Variants in GTPBP4 observed in about 807,000 individuals in gnomAD.
GTPBP4 encodes the protein GTP binding protein 4, also known as GTP-binding protein 4.
Under a neutral mutation model 81.7 loss-of-function variants are expected in GTPBP4, and 15 were observed. The observed-to-expected ratio is 0.18, with a 90% confidence interval of 0.12 to 0.28. The LOEUF (loss-of-function observed/expected upper bound fraction) is 0.28, where lower values mean the gene tolerates loss of function less well. GTPBP4 is among the 10% of genes least tolerant of loss of function. GTPBP4 has a pLI of 1.00. For synonymous variants in GTPBP4, 272 were observed against 274.6 expected, an observed-to-expected ratio of 0.99 and a Z score of 0.09; for missense variants, 847 against 793.8, an observed-to-expected ratio of 1.07 and a Z score of -0.81.
intron 7 of GTPBP4, 28 bp from the exon 8 acceptor site, chr10:1,000,920 G>C: frequency 6.2e-7 from 1 of 1,609,840 alleles, no homozygotes; most frequent in Non-Finnish European, 8.5e-7. Flanking sequence ...CGAGAATAAT[G>C]ATTTCATTAT....
chr10:997,050 T>C, intron 4 of GTPBP4, 158 bp from the exon 5 acceptor site: 1 of 645,148 alleles, frequency 1.6e-6, no homozygotes, highest in South Asian at 1.8e-5. Context: ...GTGTATACTA[T>C]TACTTTCTGC....
In GTPBP4 at chr10:992,567, A is replaced by G. The variant is rs1831464410; in HGVS notation, c.127A>G (p.Ile43Val). Reference sequence around the variant, plus strand: ...TCATAAACATTACCAAATACATCGCATTAGACATTTTTACATGAGAAAAGT... The same window carrying G: ...TCATAAACATTACCAAATACATCGCGTTAGACATTTTTACATGAGAAAAGT... ...VIHKHYQIHR[I>V]RHFYMRKVKF... Residue 43 changes from isoleucine to valine, a missense_variant, in exon 2 of 17, where the codon ATT (isoleucine) becomes GTT (valine). Physicochemically the swap from Ile to Val is conservative, Grantham distance 29. Around this residue, in one of 3 missense-constraint regions of GTPBP4, gnomAD observed 241 missense variants for 216.3 expected, o/e 1.11. Coordinates refer to ENST00000360803, the MANE Select transcript of GTPBP4 (RefSeq NM_012341.3). The G allele has an allele frequency of 6.3e-7, 1 of 1,598,374 alleles. No homozygotes were observed. The highest frequency in any genetic ancestry group is 1.3e-5 in the African/African-American group (1 of 74,592).
chr10:1,006,940 G>C, intron 9 of GTPBP4, 78 bp from the exon 10 acceptor site: 1 of 873,312 alleles, frequency 1.1e-6, no homozygotes, highest in Non-Finnish European at 1.9e-6. Flanking sequence ...GCTCTGATCT[G>C]TGGCTCCTCC....
intron 6 of GTPBP4, among the ~76,000 whole-genome samples, chr10:1,000,459 G>C (rs1265624711): frequency 6.6e-6 from 1 of 151,370 alleles, no homozygotes; most frequent in Admixed American, 6.6e-5. Context: ...GGATGGTCTC[G>C]ATCTCCTGAC....
In GTPBP4 at chr10:1,009,048, A is replaced by C. The variant is rs1831803021; in HGVS notation, c.1191+13A>C. On this transcript the variant is annotated intron_variant, in intron 11 of 16. Transcript: ENST00000360803. ...CAGGAAGAAGAGGGTATGCTGCCGA[A>C]GCTCTCGCCCAGTGTTCTCATGGGG... 1.3e-6 allele frequency: 2 copies of C among 1,592,134 alleles called. No individual in the cohort carries two copies. Among genetic ancestry groups the C allele is most frequent in the African/African-American group, 2.7e-5 (2 of 74,488 alleles).
intron 15 of GTPBP4, among the ~76,000 whole-genome samples, chr10:1,015,360 T>A (rs12784042): frequency 0.13 from 9,527 of 73,366 alleles, 894 homozygotes; most frequent in Non-Finnish European, 0.2. Flanking sequence ...TGAGCCTGGG[T>A]GCGGGGCTGG....
rs560731371 is a variant in GTPBP4, at chr10:1,010,906, A to G, written c.1344+386A>G. 7.3e-3 allele frequency among the ~76,000 whole-genome samples: 781 copies of G among 107,668 alleles called. 10 individuals are homozygous for G. The highest frequency in any genetic ancestry group is 9.3e-3 in the South Asian group (31 of 3,340). The allele number at this position is 107,668 out of a possible 152,430, so 70.6% of individuals were successfully genotyped here. On this transcript the variant is annotated intron_variant, in intron 13 of 16. Transcript: ENST00000360803. ...TCCCTCCATCCTGACTCTGCCCCCT[A>G]CACCACCTTCCCCACCCCGAGACTC...
Position 1,007,118 on chromosome 10 carries a change from G to C in GTPBP4, c.1103G>C (p.Arg368Thr), listed in dbSNP as rs761774690. The C allele has an allele frequency of 1.3e-6, 2 of 1,573,818 alleles. No homozygotes were observed. The highest frequency in any genetic ancestry group is 1.3e-5 in the African/African-American group (1 of 74,266). Residue 368 changes from arginine (R) to threonine (T), a missense_variant, in exon 10 of 17, where the codon AGG becomes ACG. Coordinates refer to ENST00000360803, the MANE Select transcript of GTPBP4 (RefSeq NM_012341.3). Reference sequence around the variant, plus strand: ...CTGCACCTGGCTATCCCAACCAGGAGGGACGATAAGGTAAGACGGCCCCTG... The same window carrying C: ...CTGCACCTGGCTATCCCAACCAGGACGGACGATAAGGTAAGACGGCCCCTG... Reference protein sequence around the residue: ...NRLHLAIPTRRDDKERPPFIP... With the variant: ...NRLHLAIPTRTDDKERPPFIP...
intron 5 of GTPBP4, among the ~76,000 whole-genome samples, chr10:998,790 C>T (rs941428935): frequency 6.6e-6 from 1 of 152,130 alleles, no homozygotes; most frequent in African/African-American, 2.4e-5. Flanking sequence ...TGGTGGCTGT[C>T]CTCCAAATGC....
intron 2 of GTPBP4, among the ~76,000 whole-genome samples, chr10:994,122 A>G (rs1831497165): frequency 6.6e-6 from 1 of 152,214 alleles, no homozygotes; most frequent in South Asian, 2.1e-4. Flanking sequence ...TAGAGGACGG[A>G]CACTTAGGTT....
intron 9 of GTPBP4, 148 bp from the exon 10 acceptor site, chr10:1,006,870 C>T (rs1390921964): frequency 4.9e-6 from 3 of 616,280 alleles, no homozygotes; most frequent in Non-Finnish European, 9.0e-6. Flanking sequence ...CCGCTTCCAC[C>T]TGGGCCTCAG....
rs1196729033 is a variant in GTPBP4 at position 1,017,068 on chromosome 10, C to T, written c.1753-7C>T. On this transcript the variant is annotated splice_region_variant and splice_polypyrimidine_tract_variant and intron_variant, in intron 16 of 16. Coordinates refer to ENST00000360803, the MANE Select transcript of GTPBP4 (RefSeq NM_012341.3). ...GAACATACTTTATTTTTTTCTCCTC[C>T]TTTTAGATGGTGAAGAAAGCCAAGA... 2.5e-6 allele frequency: 4 copies of T among 1,603,728 alleles called. No homozygotes were observed. Among genetic ancestry groups the T allele is most frequent in the Admixed American group, 3.5e-5 (2 of 57,732 alleles).
chr10:994,605 G>A (rs1230152900), intron 2 of GTPBP4, among the ~76,000 whole-genome samples: 4 of 152,098 alleles, frequency 2.6e-5, no homozygotes, highest in Non-Finnish European at 4.4e-5. Context: ...TTTGATATTA[G>A]GAAATATTTG....
At chr10:1,001,039 T>C (rs1055315600) in intron 8 of GTPBP4, 26 bp downstream of exon 8, 2 of 1,504,748 alleles carry the variant, frequency 1.3e-6, no homozygotes, top group Admixed American at 3.3e-5. Flanking sequence ...ATTTTGAATA[T>C]TTCTTACTTA....
chr10:991,439 A>C (rs185258993), intron 1 of GTPBP4, among the ~76,000 whole-genome samples: 4 of 152,212 alleles, frequency 2.6e-5, no homozygotes, highest in African/African-American at 9.6e-5. Context: ...TGGGTAACTC[A>C]TGCAAAAATC....
rs978769107 is a variant in GTPBP4 at position 1,001,833 on chromosome 10, T to G, written c.912+820T>G. Reference sequence around the variant, plus strand: ...CATATGGTCTATCCTGGAGAATGTTTCATGGACTGAGGAGAGGAATGTGTT... The same window carrying G: ...CATATGGTCTATCCTGGAGAATGTTGCATGGACTGAGGAGAGGAATGTGTT... On this transcript the variant is annotated intron_variant, in intron 8 of 16. Coordinates refer to ENST00000360803, the MANE Select transcript of GTPBP4 (RefSeq NM_012341.3). 3.9e-5 allele frequency among the ~76,000 whole-genome samples: 6 copies of G among 152,170 alleles called. 1 individual carries two copies. Among genetic ancestry groups the G allele is most frequent in the East Asian group, 3.8e-4 (2 of 5,204 alleles).
chr10:1,010,800 C>T (rs1024106303), intron 13 of GTPBP4, among the ~76,000 whole-genome samples: 4 of 147,188 alleles, frequency 2.7e-5, no homozygotes, highest in African/African-American at 7.5e-5. Flanking sequence ...TATCCTGCAC[C>T]CCTCCATCCT....
intron 14 of GTPBP4, among the ~76,000 whole-genome samples, chr10:1,013,292 T>G (rs922381740): frequency 1.1e-4 from 16 of 150,602 alleles, no homozygotes; most frequent in African/African-American, 3.6e-4. Flanking sequence ...CTGGTTTTCT[T>G]GTTCTTTAAT....
intron 8 of GTPBP4, among the ~76,000 whole-genome samples, chr10:1,004,456 A>C (rs540713530): frequency 6.6e-6 from 1 of 152,026 alleles, no homozygotes; most frequent in Admixed American, 6.6e-5. Flanking sequence ...GTGGAGTACA[A>C]TGTCAGCTCC....
Sources: allele counts gnomAD v4.1 joint callset (sites outside exome capture counted in the v4.1 genomes callset), GRCh38; gene constraint gnomAD v4.1.1; regional missense constraint gnomAD v4.1.1; transcripts MANE v1.5; gene names NCBI Gene and HGNC (gene_info 2026-07-23, HGNC 2026-07-21).